MACROD2: variants seen among roughly 807,000 people sequenced by gnomAD.
MACROD2 encodes ADP-ribose glycohydrolase MACROD2.
A neutral mutation model predicts 70.4 loss-of-function variants in MACROD2; 36 were observed. The ratio of observed to expected loss-of-function variants is 0.51; its 90% CI spans 0.39 to 0.68. The LOEUF (loss-of-function observed/expected upper bound fraction) is 0.68, where lower values mean the gene tolerates loss of function less well. MACROD2 is among the 30% of genes least tolerant of loss of function. MACROD2 has a pLI of 0.00. For missense variants in MACROD2, 496 were observed against 538.4 expected (o/e 0.92, Z 0.78); for synonymous variants, 172 against 178.8 (o/e 0.96, Z 0.30).
chr20:15,190,017 G>A (rs370084637), intron 5 of MACROD2, among the ~76,000 whole-genome samples: 1 of 152,080 alleles, frequency 6.6e-6, no homozygotes, highest in Non-Finnish European at 1.5e-5. Context: ...CTCACTGAGA[G>A]GCTCAAATAC....
At chr20:15,571,727 A>G (rs114855778) in intron 8 of MACROD2, among the ~76,000 whole-genome samples, 2,487 of 152,188 alleles carry the variant, frequency 0.016, 55 homozygotes, top group African/African-American at 0.057. Flanking sequence ...AACTTGTGTT[A>G]TTTGAACTTG....
chr20:15,758,481 C>G (rs2051382636), intron 8 of MACROD2, among the ~76,000 whole-genome samples: 1 of 151,362 alleles, frequency 6.6e-6, no homozygotes, highest in African/African-American at 2.4e-5. Flanking sequence ...CCCAAGTGAT[C>G]CGACTGCCTC....
At chr20:14,106,229 G>A (rs1397513579) in intron 3 of MACROD2, among the ~76,000 whole-genome samples, 8 of 152,144 alleles carry the variant, frequency 5.3e-5, no homozygotes, top group Non-Finnish European at 1.0e-4. Context: ...AAGACCCCTT[G>A]GGTTTTAAGT....
At chr20:15,734,634 C>T (rs974930868) in intron 8 of MACROD2, among the ~76,000 whole-genome samples, 1 of 152,122 alleles carries the variant, frequency 6.6e-6, no homozygotes, top group African/African-American at 2.4e-5. Flanking sequence ...AAATAGGATG[C>T]CTCCAGAAAA....
intron 6 of MACROD2, among the ~76,000 whole-genome samples, chr20:15,355,510 T>A (rs867048412): frequency 6.6e-6 from 1 of 152,186 alleles, no homozygotes; most frequent in Admixed American, 6.5e-5. Context: ...CCAATGAACC[T>A]TAGTGTCCAT....
At chr20:15,149,002 A>G (rs2076250176) in intron 5 of MACROD2, among the ~76,000 whole-genome samples, 1 of 152,026 alleles carries the variant, frequency 6.6e-6, no homozygotes, top group Admixed American at 6.5e-5. Context: ...ACAGAAGGGA[A>G]GAAGTGATTG....
At chr20:14,875,318 A>T (rs1971481) in intron 5 of MACROD2, among the ~76,000 whole-genome samples, 113,643 of 151,730 alleles carry the variant, frequency 0.75, 43,288 homozygotes, top group East Asian at 0.95. Flanking sequence ...GAGGTAGAAG[A>T]TGCAGTGAGC....
intron 3 of MACROD2, among the ~76,000 whole-genome samples, chr20:14,457,577 G>A (rs185239045): frequency 2.2e-4 from 33 of 152,078 alleles, no homozygotes; most frequent in African/African-American, 2.9e-4. Context: ...CACTCCCCCC[G>A]TACACATACA....
intron 2 of MACROD2, among the ~76,000 whole-genome samples, chr20:14,065,798 A>G (rs1292404459): frequency 6.6e-6 from 1 of 152,216 alleles, no homozygotes; most frequent in Non-Finnish European, 1.5e-5. Flanking sequence ...TCCGTTTTTT[A>G]CTGACTCTTG....
chr20:15,861,581 GAGTGATTTTCCAAGAGGCAGTCTACCCTA>G (rs1283049065), intron 8 of MACROD2, among the ~76,000 whole-genome samples: 2 of 152,186 alleles, frequency 1.3e-5, no homozygotes, highest in African/African-American at 4.8e-5. Context: ...GTTAGAAACT[GAGTGATTTTCCAAGAGGCAGTCTACCCTA>G]AGTGAGGTCT....
chr20:14,661,019 C>T (rs1007516362), intron 4 of MACROD2, among the ~76,000 whole-genome samples: 5 of 152,018 alleles, frequency 3.3e-5, no homozygotes, highest in African/African-American at 9.7e-5. Flanking sequence ...AATACAAGTG[C>T]AGGTATGCTT....
chr20:14,719,484 A>G (rs557760946), intron 5 of MACROD2, among the ~76,000 whole-genome samples: 10 of 150,724 alleles, frequency 6.6e-5, no homozygotes, highest in African/African-American at 1.5e-4. Context: ...AAAAAAAAAA[A>G]AAAGAAAGAA....
At position 16,003,067 on chromosome 20, in the gene MACROD2, AACCCACCC is replaced by A. The variant is rs761630895; in HGVS notation, c.1153+15920_1153+15927del. On this transcript the variant is annotated intron_variant, in intron 15 of 17. Transcript: ENST00000684519. Reference sequence around the variant, plus strand: ...GGGCACAAACAAAAACAAAATAGAAAACCCACCCACCCACCCACACACACACACACACA... The same window carrying A: ...GGGCACAAACAAAAACAAAATAGAAAACCCACCCACACACACACACACACA... 1.4e-3 allele frequency among the ~76,000 whole-genome samples: 191 copies of A among 137,206 alleles called. 2 individuals are homozygous for A. Among genetic ancestry groups the A allele is most frequent in the Admixed American group, 4.3e-3 (59 of 13,878 alleles). 90.0% of individuals were successfully genotyped at this position (137,206 alleles called of 152,430 possible).
At chr20:16,025,983 T>TAA (rs71192315) in intron 15 of MACROD2, among the ~76,000 whole-genome samples, 12,211 of 139,874 alleles carry the variant, frequency 0.087, 546 homozygotes, top group East Asian at 0.14. Context: ...CCATCTCTAC[T>TAA]AAAAAAAAAA....
At chr20:14,018,392 T>C (rs1380897778) in intron 2 of MACROD2, among the ~76,000 whole-genome samples, 2 of 152,168 alleles carry the variant, frequency 1.3e-5, no homozygotes, top group East Asian at 3.8e-4. Flanking sequence ...TCTTATTTAA[T>C]GTATGCATTT....
chr20:15,759,432 C>T (rs529851939), intron 8 of MACROD2, among the ~76,000 whole-genome samples: 3 of 152,266 alleles, frequency 2.0e-5, no homozygotes, highest in Non-Finnish European at 2.9e-5. Context: ...ACACCAAAAA[C>T]GTTCTGTGGC....
At chr20:14,233,189 AAAT>A (rs1308066937) in intron 3 of MACROD2, among the ~76,000 whole-genome samples, 1 of 152,174 alleles carries the variant, frequency 6.6e-6, no homozygotes, top group Non-Finnish European at 1.5e-5. Flanking sequence ...ATAAGAGATA[AAAT>A]AATAATGGAA....
intron 6 of MACROD2, among the ~76,000 whole-genome samples, chr20:15,302,028 G>T (rs559021868): frequency 6.6e-6 from 1 of 152,200 alleles, no homozygotes; most frequent in Admixed American, 6.5e-5. Flanking sequence ...CTGACAATCT[G>T]CTTGTTGGCA....
At chr20:15,637,748 G>T (rs1384266857) in intron 8 of MACROD2, among the ~76,000 whole-genome samples, 2 of 152,182 alleles carry the variant, frequency 1.3e-5, no homozygotes, top group African/African-American at 4.8e-5. Flanking sequence ...GCGGTTGTGG[G>T]CTGATACCAT....
Sources: allele counts gnomAD v4.1 joint callset (sites outside exome capture counted in the v4.1 genomes callset), GRCh38; gene constraint gnomAD v4.1.1; transcripts MANE v1.5; gene names NCBI Gene and HGNC (gene_info 2026-07-23, HGNC 2026-07-21).